Variants in KANK1 observed in about 807,000 individuals in gnomAD.
The protein encoded by KANK1 is KN motif and ankyrin repeat domains 1.
A neutral mutation model predicts 106.2 loss-of-function variants in KANK1; 109 were observed. The observed-to-expected ratio is 1.03, with a 90% CI of 0.88 to 1.20. The LOEUF (loss-of-function observed/expected upper bound fraction) is 1.20, where lower values mean the gene tolerates loss of function less well. Ranked by LOEUF, KANK1 falls within the 50% of genes most tolerant of loss-of-function variation. KANK1 has a pLI of 0.00. For synonymous variants in KANK1, 873 were observed against 652.2 expected, an observed-to-expected ratio of 1.34 and a Z score of -5.16; for missense variants, 2,399 against 1,710.7, an observed-to-expected ratio of 1.40 and a Z score of -7.10.
chr9:694,191 G>C (rs1820658452), intron 2 of KANK1, among the ~76,000 whole-genome samples: 1 of 152,106 alleles, frequency 6.6e-6, no homozygotes, highest in Non-Finnish European at 1.5e-5. Context: ...AATAAGGACA[G>C]GGATTCATAC....
At chr9:502,171 G>T (rs543552104), upstream of KANK1, among the ~76,000 whole-genome samples, 2 of 152,286 alleles carry the variant, frequency 1.3e-5, no homozygotes, top group East Asian at 3.9e-4. Context: ...TAAATTAGTG[G>T]TAGCCAGCGG....
chr9:726,110 C>T (rs1830568763), intron 3 of KANK1, among the ~76,000 whole-genome samples: 1 of 152,080 alleles, frequency 6.6e-6, no homozygotes, highest in East Asian at 1.9e-4. Context: ...TGCCAGTAGG[C>T]AGCAATGAGA....
chr9:738,603 T>A (rs757037738), intron 8 of KANK1, 99 bp downstream of exon 8: 8 of 914,194 alleles, frequency 8.8e-6, no homozygotes, highest in Non-Finnish European at 1.2e-5. Flanking sequence ...TCTCTGACCA[T>A]GCTAAAATCC....
chr9:639,118 G>A (rs75415119), intron 1 of KANK1, among the ~76,000 whole-genome samples: 2 of 152,090 alleles, frequency 1.3e-5, no homozygotes, highest in Non-Finnish European at 2.9e-5. Flanking sequence ...ACATCTGATT[G>A]CTGAACACTT....
At chr9:624,560 T>A (rs1833902599) in intron 1 of KANK1, among the ~76,000 whole-genome samples, 1 of 152,076 alleles carries the variant, frequency 6.6e-6, no homozygotes. Context: ...TCCCAGCACT[T>A]TGAGAGGCTG....
intron 2 of KANK1, chr9:693,927 G>C (rs1342043978): frequency 1.5e-6 from 1 of 659,102 alleles, no homozygotes; most frequent in Non-Finnish European, 1.9e-6. Flanking sequence ...CCCAGTACTT[G>C]ATTTTTGGTC....
intron 2 of KANK1, among the ~76,000 whole-genome samples, chr9:687,498 C>A (rs1818843444): frequency 6.6e-6 from 1 of 152,140 alleles, no homozygotes; most frequent in South Asian, 2.1e-4. Flanking sequence ...TCACAGTAGG[C>A]CTTACCGGAG....
chr9:519,210 A>G (rs117187334), intron 1 of KANK1, among the ~76,000 whole-genome samples: 5,107 of 151,600 alleles, frequency 0.034, 133 homozygotes, highest in Non-Finnish European at 0.052. Flanking sequence ...TTTACTAGGC[A>G]CCTTATAATT....
intron 2 of KANK1, among the ~76,000 whole-genome samples, chr9:700,397 C>T (rs150158708): frequency 5.3e-5 from 8 of 152,286 alleles, no homozygotes; most frequent in African/African-American, 1.9e-4. Flanking sequence ...CCTGCTAAAC[C>T]CGTTCAGAAG....
upstream of KANK1, among the ~76,000 whole-genome samples, chr9:503,249 T>A (rs1377928367): frequency 1.3e-5 from 2 of 151,628 alleles, no homozygotes; most frequent in East Asian, 3.9e-4. Flanking sequence ...GGCGGGGTGG[T>A]GGTGGTGGGG....
In KANK1 at chr9:730,868, C is replaced by T. The variant is rs185816121; in HGVS notation, c.2897-290C>T. On this transcript the variant is annotated intron_variant, in intron 4 of 11. Transcript: ENST00000382297. ...AATGGTCCTTGAGGCTCGTGAGACA[C>T]GACATCACTTTATAAGCAGTAAAGC... 7.6e-4 allele frequency: 176 copies of T among 232,050 alleles called. 1 individual carries two copies. The highest frequency in any genetic ancestry group is 3.7e-3 in the African/African-American group (161 of 43,120). The allele number at this position is 232,050 out of a possible 1,614,324, so 14.4% of individuals were successfully genotyped here.
At chr9:510,153 G>A (rs1173068851) in intron 1 of KANK1, among the ~76,000 whole-genome samples, 2 of 152,042 alleles carry the variant, frequency 1.3e-5, no homozygotes, top group Non-Finnish European at 2.9e-5. Context: ...CTGCAAAAGG[G>A]TGTCTCATTG....
intron 1 of KANK1, among the ~76,000 whole-genome samples, chr9:628,417 C>T (rs1281301324): frequency 6.6e-6 from 1 of 152,130 alleles, no homozygotes; most frequent in African/African-American, 2.4e-5. Context: ...AGGGGGGGTT[C>T]CTGTATTTAT....
chr9:643,940 T>G (rs1190068509), intron 1 of KANK1, among the ~76,000 whole-genome samples: 2 of 150,888 alleles, frequency 1.3e-5, no homozygotes, highest in East Asian at 3.8e-4. Context: ...TGACTTCAGT[T>G]GAGGCACCCG....
intron 1 of KANK1, among the ~76,000 whole-genome samples, chr9:601,650 G>A (rs1010265986): frequency 6.6e-6 from 1 of 151,680 alleles, no homozygotes; most frequent in East Asian, 1.9e-4. Context: ...TTCATTCTGT[G>A]GGTTATAACC....
intron 1 of KANK1, among the ~76,000 whole-genome samples, chr9:618,551 G>A (rs1211885284): frequency 3.3e-5 from 5 of 152,036 alleles, no homozygotes; most frequent in Non-Finnish European, 7.4e-5. Flanking sequence ...TTTTCTCTTA[G>A]TCAAAATACT....
At chr9:692,191 C>T (rs1161731737) in intron 2 of KANK1, among the ~76,000 whole-genome samples, 1 of 152,184 alleles carries the variant, frequency 6.6e-6, no homozygotes, top group Non-Finnish European at 1.5e-5. Flanking sequence ...ACATGCCCTG[C>T]CTTATTCCAT....
rs926467832 is a variant in KANK1, at chr9:607,792, C to T, written c.-83-69098C>T. 4.4e-4 allele frequency among the ~76,000 whole-genome samples: 66 copies of T among 151,476 alleles called. 3 individuals are homozygous for T. Among genetic ancestry groups the T allele is most frequent in the African/African-American group, 1.4e-3 (59 of 40,932 alleles). On this transcript the variant is annotated intron_variant, in intron 1 of 11. Transcript: ENST00000382297. ...GGGAGGAAATAATATGGTGTGGTAA[C>T]GATTTTAGGCAAAGAAAAAAAGCGC...
intron 3 of KANK1, among the ~76,000 whole-genome samples, chr9:724,797 A>G (rs117260031): frequency 0.031 from 4,772 of 152,098 alleles, 96 homozygotes; most frequent in Non-Finnish European, 0.045. Flanking sequence ...GCGAGACTCA[A>G]TCTCAAAAAA....
Sources: allele counts gnomAD v4.1 joint callset (sites outside exome capture counted in the v4.1 genomes callset), GRCh38; gene constraint gnomAD v4.1.1; transcripts MANE v1.5; gene names NCBI Gene and HGNC (gene_info 2026-07-23, HGNC 2026-07-21).